Variants in CXCL13 observed in about 807,000 individuals in gnomAD.
CXCL13 encodes C-X-C motif chemokine ligand 13, also known as C-X-C motif chemokine 13.
Under a neutral mutation model 12.2 loss-of-function variants are expected in CXCL13, and 7 were observed. That is an observed-to-expected ratio of 0.57 (90% CI 0.33 to 1.07). The LOEUF (loss-of-function observed/expected upper bound fraction) is 1.07, where lower values mean the gene tolerates loss of function less well. Ranked by LOEUF, CXCL13 falls within the 50% of genes least tolerant of loss-of-function variation. The pLI is 0.04. For synonymous variants in CXCL13, 47 were observed against 42.4 expected, an observed-to-expected ratio of 1.11 and a Z score of -0.42; for missense variants, 113 against 127.4, an observed-to-expected ratio of 0.89 and a Z score of 0.55.
At chr4:77,590,549 G>T (rs115735550) in intron 1 of CXCL13, among the ~76,000 whole-genome samples, 1 of 152,130 alleles carries the variant, frequency 6.6e-6, no homozygotes, top group Non-Finnish European at 1.5e-5. Context: ...CTGGAAAAAC[G>T]CTCAAGAACA....
chr4:77,561,495 A>G (rs538515761), intron 1 of CXCL13, among the ~76,000 whole-genome samples: 1 of 152,306 alleles, frequency 6.6e-6, no homozygotes, highest in East Asian at 1.9e-4. Flanking sequence ...ACAGATGAAA[A>G]ACCTGATACT....
chr4:77,512,767 G>A (rs924666744), intron 1 of CXCL13, among the ~76,000 whole-genome samples: 1 of 152,132 alleles, frequency 6.6e-6, no homozygotes, highest in South Asian at 2.1e-4. Flanking sequence ...CATTACTTTA[G>A]TGTATATTTT....
intron 1 of CXCL13, among the ~76,000 whole-genome samples, chr4:77,525,434 T>C (rs1724738996): frequency 2.6e-5 from 4 of 152,172 alleles, no homozygotes; most frequent in Admixed American, 2.6e-4. Flanking sequence ...CTAAAATCAA[T>C]GCAGGTGAGA....
intron 1 of CXCL13, among the ~76,000 whole-genome samples, chr4:77,569,910 C>T (rs1372931600): frequency 6.6e-6 from 1 of 152,190 alleles, no homozygotes; most frequent in Non-Finnish European, 1.5e-5. Flanking sequence ...CAGCATGGTA[C>T]TGGTACAAAA....
chr4:77,515,127 A>C (rs1004728535), intron 1 of CXCL13, among the ~76,000 whole-genome samples: 7 of 151,918 alleles, frequency 4.6e-5, no homozygotes, highest in South Asian at 2.1e-4. Flanking sequence ...AGATATGCGG[A>C]GTTATTTCTG....
chr4:77,563,742 G>A (rs1442598477), intron 1 of CXCL13, among the ~76,000 whole-genome samples: 1 of 152,182 alleles, frequency 6.6e-6, no homozygotes, highest in Non-Finnish European at 1.5e-5. Flanking sequence ...GAAAAACAGA[G>A]TTAACTTCTT....
chr4:77,572,169 G>A (rs1253157546), intron 1 of CXCL13, among the ~76,000 whole-genome samples: 1 of 151,930 alleles, frequency 6.6e-6, no homozygotes, highest in Non-Finnish European at 1.5e-5. Context: ...GGGAGGCTGA[G>A]GTGGGTGGAT....
chr4:77,563,288 G>A (rs900487363), intron 1 of CXCL13, among the ~76,000 whole-genome samples: 5 of 152,272 alleles, frequency 3.3e-5, no homozygotes, highest in African/African-American at 4.8e-5. Context: ...AGCAAAGACC[G>A]ATGAGAGTTA....
In CXCL13 at chr4:77,551,998, G is replaced by A. The variant is rs182179971; in HGVS notation, c.-43+40210G>A. ...CTTCATTTCCTGGATTCCCTTTGAA[G>A]TTTCTTTGTGTTGATTTTCAACCTT... On this transcript the variant is annotated intron_variant, in intron 1 of 4. Coordinates refer to the CXCL13 transcript ENST00000286758. Among the ~76,000 whole-genome samples, 425 of 152,142 alleles carry A rather than the reference G, an allele frequency of 2.8e-3. 3 individuals carry two copies. Among genetic ancestry groups the A allele is most frequent in the African/African-American group, 9.7e-3 (404 of 41,518 alleles).
At position 77,561,129 on chromosome 4, in the gene CXCL13, A is replaced by C. The variant is rs118096247; in HGVS notation, c.-42-44695A>C. Among the ~76,000 whole-genome samples, 684 of 152,304 alleles carry C rather than the reference A, an allele frequency of 4.5e-3. 19 individuals carry two copies. Among genetic ancestry groups the C allele is most frequent in the East Asian group, 0.027 (141 of 5,188 alleles). ...ATTAAACCTTATATTTTCCAGGGAA[A>C]ATATTGTATGATCTATTGTACCTAG... On this transcript the variant is annotated intron_variant, in intron 1 of 4. Coordinates refer to the CXCL13 transcript ENST00000286758.
chr4:77,610,283 T>A (rs951890143), intron 2 of CXCL13, among the ~76,000 whole-genome samples: 1 of 152,230 alleles, frequency 6.6e-6, no homozygotes, highest in African/African-American at 2.4e-5. Context: ...TATTGTGATA[T>A]AACTTTAGAA....
At position 77,607,731 on chromosome 4, in the gene CXCL13, G is replaced by A. The variant is rs143408885; in HGVS notation, c.93G>A (p.Leu31=). The part of the protein sequence containing the change: ...QGVLEVYYTS[L]RCRCVQESSV... ...TTCTGGAGGTCTATTACACAAGCTT[G>A]AGGTGTAGATGTGTCCAAGAGAGCT... Residue 31 remains leucine (L), a synonymous_variant, in exon 2 of 4, where the codon TTG becomes TTA. Transcript: ENST00000682537. 883 of 1,613,162 alleles carry A rather than the reference G, an allele frequency of 5.5e-4. 7 individuals carry two copies. The South Asian group carries it at 7.4e-3, about 13-fold the overall frequency.
chr4:77,601,860 T>C (rs1369542447), upstream of CXCL13, among the ~76,000 whole-genome samples: 1 of 152,178 alleles, frequency 6.6e-6, no homozygotes, highest in East Asian at 1.9e-4. Context: ...GGCAAATAAG[T>C]GTTGGAGTCG....
intron 1 of CXCL13, among the ~76,000 whole-genome samples, chr4:77,600,005 C>A (rs1348910775): frequency 6.6e-6 from 1 of 152,064 alleles, no homozygotes; most frequent in Non-Finnish European, 1.5e-5. Context: ...AAGATAACTT[C>A]CCTGGTTTTT....
chr4:77,544,968 T>G (rs1214722326), intron 1 of CXCL13, among the ~76,000 whole-genome samples: 2 of 152,224 alleles, frequency 1.3e-5, no homozygotes, highest in Non-Finnish European at 2.9e-5. Context: ...TACATATGGC[T>G]AGGCAGTTTT....
intron 1 of CXCL13, among the ~76,000 whole-genome samples, chr4:77,541,090 T>A (rs1318195696): frequency 6.6e-6 from 1 of 152,212 alleles, no homozygotes; most frequent in Non-Finnish European, 1.5e-5. Flanking sequence ...TTGCCCATTC[T>A]TAATGGGGTT....
chr4:77,583,716 C>A (rs528976717), intron 1 of CXCL13, among the ~76,000 whole-genome samples: 1 of 152,058 alleles, frequency 6.6e-6, no homozygotes, highest in East Asian at 1.9e-4. Flanking sequence ...TTGCATTGAC[C>A]GGGTCCTCTG....
At chr4:77,582,394 G>C (rs1239357856) in intron 1 of CXCL13, among the ~76,000 whole-genome samples, 1 of 152,212 alleles carries the variant, frequency 6.6e-6, no homozygotes, top group African/African-American at 2.4e-5. Context: ...GACCTAGATC[G>C]GGTAGGCAGT....
Position 77,610,697 on chromosome 4 carries a change from A to T in CXCL13, c.278+3A>T. 1 of 1,607,478 alleles carries T rather than the reference A, an allele frequency of 6.2e-7. No homozygotes were observed. The highest frequency in any genetic ancestry group is 8.5e-7 in the Non-Finnish European group (1 of 1,173,902). Reference sequence around the variant, plus strand: ...AGAATGATGGAAGTATTGAGAAAGTAAGTTAGGCATAACAAGGGGTTTCAG... The same window carrying T: ...AGAATGATGGAAGTATTGAGAAAGTTAGTTAGGCATAACAAGGGGTTTCAG... On this transcript the variant is annotated splice_donor_region_variant and intron_variant, in intron 3 of 3. Coordinates refer to ENST00000682537, the MANE Select transcript of CXCL13 (RefSeq NM_001371558.1).
Sources: allele counts gnomAD v4.1 joint callset (sites outside exome capture counted in the v4.1 genomes callset), GRCh38; gene constraint gnomAD v4.1.1; transcripts MANE v1.5; gene names NCBI Gene and HGNC (gene_info 2026-07-23, HGNC 2026-07-21).